NBL1: variants seen among roughly 807,000 people sequenced by gnomAD.
The protein encoded by NBL1 is neuroblastoma suppressor of tumorigenicity 1.
Under a neutral mutation model 16.0 loss-of-function variants are expected in NBL1, and 9 were observed. The ratio of observed to expected loss-of-function variants is 0.56; its 90% CI spans 0.34 to 0.98. The LOEUF (loss-of-function observed/expected upper bound fraction) is 0.98, where lower values mean the gene tolerates loss of function less well. Ranked by LOEUF, NBL1 falls within the 50% of genes least tolerant of loss-of-function variation. The pLI is 0.02. For missense variants in NBL1, 196 were observed against 243.1 expected, an observed-to-expected ratio of 0.81 and a Z score of 1.29; for synonymous variants, 86 against 100.7, an observed-to-expected ratio of 0.85 and a Z score of 0.87.
rs1451238666 is a variant in NBL1 at position 19,647,878 on chromosome 1, TGTGTGC to T, written c.-20+3440_-20+3445del. On this transcript the variant is annotated intron_variant, in intron 1 of 3. Transcript: ENST00000375136. ...GTGTGTGTGTGTGCGTGTGTGTGTG[TGTGTGC>T]GTGTGCGCGCGTGTGTGTGCGTGCT... Among the ~76,000 whole-genome samples the T allele has an allele frequency of 9.4e-4, 136 of 144,500 alleles. No individual in the cohort carries two copies. In the East Asian group the frequency reaches 0.015, roughly 16 times the overall value. 94.8% of individuals were successfully genotyped at this position (144,500 alleles called of 152,430 possible).
At chr1:19,649,969 G>GCTTTCTTTTC (rs1553313591) in intron 1 of NBL1, among the ~76,000 whole-genome samples, 2 of 151,616 alleles carry the variant, frequency 1.3e-5, no homozygotes, top group African/African-American at 4.9e-5. Context: ...CCTACTTTAC[G>GCTTTCTTTTC]TTTTCTTTTC....
intron 1 of NBL1, among the ~76,000 whole-genome samples, chr1:19,653,260 TGG>T (rs1364849736): frequency 1.6e-5 from 2 of 123,402 alleles, no homozygotes; most frequent in African/African-American, 6.4e-5. Context: ...CACTCCAGCC[TGG>T]GCAACAGAGC....
upstream of NBL1, chr1:19,644,031 T>TGGGCTGCCCTGCC (rs1401349193): frequency 9.2e-6 from 9 of 982,002 alleles, no homozygotes; most frequent in Non-Finnish European, 1.1e-5. The surrounding 1 kb of genome is among the most constrained non-coding windows in gnomAD (Gnocchi z 4.6). Context: ...GGCGCCCGGC[T>TGGGCTGCCCTGCC]GGGCTGCCCT....
chr1:19,643,726 C>G, upstream of NBL1: 2 of 1,097,944 alleles, frequency 1.8e-6, no homozygotes, highest in Non-Finnish European at 2.2e-6. This position sits in a 1 kb window ranked among gnomAD's most constrained non-coding sequence, Gnocchi z 4.7. Context: ...TAGGATAACA[C>G]TAGGCAAGGC....
rs1015106814 is a variant in NBL1, at chr1:19,657,828, A to G, written c.*699A>G. The G allele has an allele frequency of 6.5e-6, 1 of 152,762 alleles. No individual in the cohort carries two copies. Among genetic ancestry groups the G allele is most frequent in the African/African-American group, 2.4e-5 (1 of 41,422 alleles). The allele number at this position is 152,762 out of a possible 1,614,324, so 9.5% of individuals were successfully genotyped here. A position where few individuals can be genotyped will look rare whatever the true frequency, so the allele number is the denominator to read the frequency against. ...GGGAAGGGGAGGAGGGGAAGAAGGA[A>G]AGGGAAGAGTCTTCCAAGGCCAGAA... On this transcript the variant is annotated 3_prime_UTR_variant, in exon 4 of 4. Transcript: ENST00000375136.
chr1:19,649,103 G>C (rs1006548808), intron 1 of NBL1, among the ~76,000 whole-genome samples: 1 of 151,962 alleles, frequency 6.6e-6, no homozygotes, highest in African/African-American at 2.4e-5. Flanking sequence ...TTTCTCTTCG[G>C]TGAACCTTTT....
chr1:19,655,305 G>T lies in NBL1; in HGVS notation c.171-19G>T, dbSNP rs369899885. ...CCTCCCCAACAGTGACACAGGCATG[G>T]TGACCTCTCCTCCCACAGGGCGTGC... On this transcript the variant is annotated intron_variant, in intron 2 of 3. Transcript: ENST00000375136. 2.5e-5 allele frequency: 41 copies of T among 1,613,616 alleles called. No individual in the cohort carries two copies. Among genetic ancestry groups the T allele is most frequent in the Non-Finnish European group, 3.1e-5 (36 of 1,179,804 alleles).
chr1:19,653,039 G>A (rs1253432590), intron 1 of NBL1, among the ~76,000 whole-genome samples: 1 of 151,424 alleles, frequency 6.6e-6, no homozygotes, highest in African/African-American at 2.4e-5. Context: ...TGTAATCCCA[G>A]CACTTTGGGA....
rs3748747 is a variant in NBL1 at position 19,657,141 on chromosome 1, C to T, written c.*12C>T. 1,134 of 1,261,450 alleles carry T rather than the reference C, an allele frequency of 9.0e-4. 15 individuals are homozygous for T. The East Asian group carries it at 0.026, about 29-fold the overall frequency. 78.1% of individuals were successfully genotyped at this position (1,261,450 alleles called of 1,614,324 possible). Reference sequence around the variant, plus strand: ...GGGCTGAGGACTGAGGCCCCCCCAACTCTTCCTCCCCTCTCATCCCCCTGT... The same window carrying T: ...GGGCTGAGGACTGAGGCCCCCCCAATTCTTCCTCCCCTCTCATCCCCCTGT... On this transcript the variant is annotated 3_prime_UTR_variant, in exon 4 of 4. Coordinates refer to ENST00000375136, the MANE Select transcript of NBL1 (RefSeq NM_005380.8).
At chr1:19,650,534 G>A (rs1158356668) in intron 1 of NBL1, among the ~76,000 whole-genome samples, 1 of 152,186 alleles carries the variant, frequency 6.6e-6, no homozygotes, top group Non-Finnish European at 1.5e-5. Flanking sequence ...CCCAGGGCAG[G>A]GCATTGCTTT....
chr1:19,654,644 T>C (rs993143261), intron 1 of NBL1, among the ~76,000 whole-genome samples: 1 of 152,168 alleles, frequency 6.6e-6, no homozygotes, highest in Non-Finnish European at 1.5e-5. Context: ...ATCGCAATCC[T>C]GTGCCAGGCA....
intron 1 of NBL1, among the ~76,000 whole-genome samples, chr1:19,645,116 G>A (rs1296628937): frequency 2.0e-5 from 3 of 152,142 alleles, no homozygotes; most frequent in Non-Finnish European, 4.4e-5. Flanking sequence ...ATCCCCCAGT[G>A]TCGGAGGCTC....
In NBL1 at chr1:19,653,496, T is replaced by C. The variant is rs535102868; in HGVS notation, c.-19-1516T>C. Reference sequence around the variant, plus strand: ...TGTCCCAAGGTAAAGAATCCCTGACTGAGCGCATAGCTGCCTAGGAAGCCT... The same window carrying C: ...TGTCCCAAGGTAAAGAATCCCTGACCGAGCGCATAGCTGCCTAGGAAGCCT... On this transcript the variant is annotated intron_variant, in intron 1 of 3. Transcript: ENST00000375136. Among the ~76,000 whole-genome samples, 42 of 152,286 alleles carry C rather than the reference T, an allele frequency of 2.8e-4. 1 individual carries two copies. Among genetic ancestry groups the C allele is most frequent in the Admixed American group, 9.8e-4 (15 of 15,300 alleles).
intron 1 of NBL1, among the ~76,000 whole-genome samples, chr1:19,648,675 C>T (rs2095000767): frequency 6.6e-6 from 1 of 152,076 alleles, no homozygotes; most frequent in Admixed American, 6.5e-5. Flanking sequence ...GCTGTTGTCA[C>T]CTCCTGGGGA....
intron 1 of NBL1, among the ~76,000 whole-genome samples, chr1:19,647,057 G>C (rs527530121): frequency 1.5e-3 from 221 of 152,272 alleles, no homozygotes; most frequent in African/African-American, 5.2e-3. Context: ...TATGATGGGC[G>C]ATCTCTCCAG....
At chr1:19,646,001 A>G (rs1245318054) in intron 1 of NBL1, 1 of 1,550,130 alleles carries the variant, frequency 6.5e-7, no homozygotes. Flanking sequence ...TGTTTTGGAG[A>G]CTGTTTTTCG....
In NBL1 at chr1:19,652,463, G is replaced by GC. The variant is rs200087124; in HGVS notation, c.-19-2549_-19-2548insC. ...ACAGGAACTCATTTGGGAGGCGGCG[G>GC]GGGGGCAGCCTGTCCGACCTCACTT... On this transcript the variant is annotated intron_variant, in intron 1 of 3. Transcript: ENST00000375136. Among the ~76,000 whole-genome samples the GC allele has an allele frequency of 3.1e-3, 478 of 152,146 alleles. 3 individuals are homozygous for GC. Among genetic ancestry groups the GC allele is most frequent in the African/African-American group, 9.9e-3 (411 of 41,526 alleles).
At chr1:19,651,798 C>A (rs1306394326) in intron 1 of NBL1, among the ~76,000 whole-genome samples, 1 of 152,162 alleles carries the variant, frequency 6.6e-6, no homozygotes, top group African/African-American at 2.4e-5. Flanking sequence ...GGTCTCAAGC[C>A]ATCCTCCCGC....
chr1:19,650,451 C>A (rs747070755), intron 1 of NBL1, among the ~76,000 whole-genome samples: 1 of 152,212 alleles, frequency 6.6e-6, no homozygotes, highest in African/African-American at 2.4e-5. Context: ...CCCCCAGCTC[C>A]CTGCCCTCAC....
Sources: allele counts gnomAD v4.1 joint callset (sites outside exome capture counted in the v4.1 genomes callset), GRCh38; gene constraint gnomAD v4.1.1; non-coding constraint Gnocchi (gnomAD v3.1); transcripts MANE v1.5; gene names NCBI Gene and HGNC (gene_info 2026-07-23, HGNC 2026-07-21).